Variants in CNBD1 observed in about 807,000 individuals in gnomAD.
CNBD1 encodes cyclic nucleotide binding domain containing 1.
A neutral mutation model predicts 54.4 loss-of-function variants in CNBD1; 71 were observed. The observed-to-expected ratio is 1.30, with a 90% CI of 1.08 to 1.59. The LOEUF (loss-of-function observed/expected upper bound fraction) is 1.59, where lower values mean the gene tolerates loss of function less well. Ranked by LOEUF, CNBD1 falls within the 40% of genes most tolerant of loss-of-function variation. The pLI is 0.00. For synonymous variants in CNBD1, 182 were observed against 170.7 expected, an observed-to-expected ratio of 1.07 and a Z score of -0.51; for missense variants, 659 against 518.0, an observed-to-expected ratio of 1.27 and a Z score of -2.64.
chr8:86,989,363 T>G (rs561505886), intron 4 of CNBD1, among the ~76,000 whole-genome samples: 1 of 151,348 alleles, frequency 6.6e-6, no homozygotes, highest in Non-Finnish European at 1.5e-5. Context: ...CTCTTTGATA[T>G]GCTGACTTCC....
At chr8:87,333,890 G>C (rs1809887319) in intron 8 of CNBD1, among the ~76,000 whole-genome samples, 1 of 152,180 alleles carries the variant, frequency 6.6e-6, no homozygotes, top group Non-Finnish European at 1.5e-5. Flanking sequence ...CATAAAATGA[G>C]TTAGGGAGGA....
intron 4 of CNBD1, among the ~76,000 whole-genome samples, chr8:87,195,270 A>C (rs549656366): frequency 2.0e-4 from 28 of 142,518 alleles, no homozygotes; most frequent in Middle Eastern, 3.8e-3. Context: ...ACTCTGTCAC[A>C]CAGGCTGGAG....
chr8:87,356,909 C>T (rs1480658896), intron 10 of CNBD1, among the ~76,000 whole-genome samples: 1 of 152,070 alleles, frequency 6.6e-6, no homozygotes, highest in Non-Finnish European at 1.5e-5. Flanking sequence ...GGGAGCCAGG[C>T]TGAGGATACT....
At chr8:86,942,364 T>G (rs1807340889) in intron 4 of CNBD1, among the ~76,000 whole-genome samples, 2 of 152,208 alleles carry the variant, frequency 1.3e-5, no homozygotes, top group African/African-American at 4.8e-5. Flanking sequence ...GAGGTTTATC[T>G]GGTCCTCTGC....
At chr8:87,237,259 T>C in intron 6 of CNBD1, 147 bp downstream of exon 6, 1 of 456,144 alleles carries the variant, frequency 2.2e-6, no homozygotes. Flanking sequence ...ATGATATTAT[T>C]AATACTTACA....
intron 4 of CNBD1, among the ~76,000 whole-genome samples, chr8:87,025,900 G>A (rs1425247306): frequency 2.0e-5 from 3 of 152,160 alleles, no homozygotes; most frequent in Non-Finnish European, 4.4e-5. Flanking sequence ...TCAGGACACA[G>A]GATGAATTGA....
chr8:86,950,369 A>T (rs1807586900), intron 4 of CNBD1, among the ~76,000 whole-genome samples: 1 of 152,098 alleles, frequency 6.6e-6, no homozygotes, highest in African/African-American at 2.4e-5. Context: ...TGCCCAGCCT[A>T]TCAACTGCTT....
chr8:87,033,468 G>T (rs1809838546), intron 4 of CNBD1, among the ~76,000 whole-genome samples: 1 of 152,124 alleles, frequency 6.6e-6, no homozygotes, highest in African/African-American at 2.4e-5. Flanking sequence ...TGTTCTTGTT[G>T]TCCAGGCCTT....
At chr8:86,936,201 A>G (rs1809544387) in intron 3 of CNBD1, among the ~76,000 whole-genome samples, 1 of 152,190 alleles carries the variant, frequency 6.6e-6, no homozygotes, top group Admixed American at 6.5e-5. Context: ...CTTTATTACT[A>G]ACTGAAAAAT....
chr8:87,351,719 G>C lies in CNBD1; in HGVS notation c.1077G>C (p.Val359=). The part of the protein sequence containing the change: ...IVESGNIISF[V]GYINSGCCNI... ...AAAGTGGAAATATAATTTCTTTTGT[G>C]GGTTATATTAACTCTGGATGCTGTA... The change falls in exon 9 of 11, where the codon GTG becomes GTC. Residue 359 remains valine, a synonymous_variant. Transcript: ENST00000518476. 3.3e-6 allele frequency: 5 copies of C among 1,530,140 alleles called. No individual in the cohort carries two copies. Among genetic ancestry groups the C allele is most frequent in the Non-Finnish European group, 4.4e-6 (5 of 1,143,280 alleles). 94.8% of individuals were successfully genotyped at this position (1,530,140 alleles called of 1,614,324 possible). A position where few individuals can be genotyped will look rare whatever the true frequency, so the allele number is the denominator to read the frequency against.
At chr8:86,940,132 C>CTTTTTTT (rs10671983) in intron 4 of CNBD1, among the ~76,000 whole-genome samples, 24,478 of 88,192 alleles carry the variant, frequency 0.28, 5,915 homozygotes, top group East Asian at 0.35. Context: ...CCACATGTTA[C>CTTTTTTT]TTTTTTTTTT....
At chr8:87,039,843 T>G (rs1373758831) in intron 4 of CNBD1, among the ~76,000 whole-genome samples, 1 of 152,128 alleles carries the variant, frequency 6.6e-6, no homozygotes, top group Admixed American at 6.5e-5. Context: ...TGGAGATGAC[T>G]GGTTGGGTTG....
chr8:87,094,693 A>C (rs1486870382), intron 4 of CNBD1, among the ~76,000 whole-genome samples: 7 of 152,188 alleles, frequency 4.6e-5, no homozygotes, highest in African/African-American at 1.7e-4. Context: ...TTAATCCAGA[A>C]GTCAAATTAT....
chr8:87,124,041 C>G (rs1407771977), intron 4 of CNBD1, among the ~76,000 whole-genome samples: 1 of 151,560 alleles, frequency 6.6e-6, no homozygotes, highest in Non-Finnish European at 1.5e-5. Flanking sequence ...CTGCTAAATT[C>G]ACTCACACAT....
chr8:86,902,820 A>G (rs568688832), intron 2 of CNBD1, among the ~76,000 whole-genome samples: 1 of 152,114 alleles, frequency 6.6e-6, no homozygotes, highest in East Asian at 1.9e-4. Context: ...CTCTACCATA[A>G]TGCTAAACAT....
intron 4 of CNBD1, among the ~76,000 whole-genome samples, chr8:86,965,485 GTCC>G (rs1808048474): frequency 6.6e-6 from 1 of 152,094 alleles, no homozygotes; most frequent in South Asian, 2.1e-4. Context: ...CAGCAAGCCT[GTCC>G]TCCTTAAGTC....
chr8:87,312,938 G>T (rs1040448113), intron 8 of CNBD1, among the ~76,000 whole-genome samples: 1 of 151,974 alleles, frequency 6.6e-6, no homozygotes. Context: ...GCATTTACAT[G>T]CAGTTAGTAT....
At chr8:87,357,307 G>T (rs1328885407) in intron 10 of CNBD1, among the ~76,000 whole-genome samples, 1 of 152,130 alleles carries the variant, frequency 6.6e-6, no homozygotes, top group African/African-American at 2.4e-5. Flanking sequence ...AGAGCCATGG[G>T]CAGCTTGCAC....
intron 10 of CNBD1, among the ~76,000 whole-genome samples, chr8:87,371,153 A>T (rs1481746710): frequency 2.6e-5 from 4 of 151,788 alleles, no homozygotes; most frequent in Non-Finnish European, 5.9e-5. Flanking sequence ...GTTTGAAGTC[A>T]GGTAGTGTGA....
Sources: gnomAD v4.1 joint callset for allele counts (sites outside exome capture counted in the v4.1 genomes callset) on GRCh38, gnomAD v4.1.1 for gene constraint, MANE v1.5 for transcripts, NCBI Gene and HGNC (gene_info 2026-07-23, HGNC 2026-07-21) for gene names.